Variants in GARRE1 observed in about 807,000 individuals in gnomAD.
The protein encoded by GARRE1 is granule associated Rac and RHOG effector 1.
A neutral mutation model predicts 103.2 loss-of-function variants in GARRE1; 49 were observed. That is an observed-to-expected ratio of 0.47 (90% confidence interval 0.38 to 0.60). The LOEUF is 0.60. Among genes scored for constraint, GARRE1 ranks in the 20% least tolerant of loss-of-function variants. GARRE1 has a pLI of 0.00. For missense variants in GARRE1, 1,199 were observed against 1,370.5 expected, an observed-to-expected ratio of 0.87 and a Z score of 1.98; for synonymous variants, 505 against 532.8, an observed-to-expected ratio of 0.95 and a Z score of 0.72.
chr19:34,341,919 A>G lies in GARRE1; in HGVS notation c.1985A>G (p.His662Arg), dbSNP rs778716998. 3.1e-6 allele frequency: 5 copies of G among 1,614,088 alleles called. No individual in the cohort carries two copies. The highest frequency in any genetic ancestry group is 4.2e-6 in the Non-Finnish European group (5 of 1,180,044). The change falls in exon 10 of 14, where the codon CAT (histidine) becomes CGT (arginine). Residue 662 changes from histidine to arginine, a missense_variant. Coordinates refer to ENST00000299505, the MANE Select transcript of GARRE1 (RefSeq NM_014686.5). ...TCGGGCTTTAACATGGGCCAGTCAC[A>G]TCAGGGCTCTCCGTTGGTGACAAGG... ...FLSGFNMGQS[H>R]QGSPLVTRHN...
At chr19:34,277,141 A>G (rs974729466) in intron 1 of GARRE1, among the ~76,000 whole-genome samples, 4 of 152,224 alleles carry the variant, frequency 2.6e-5, no homozygotes, top group Admixed American at 2.6e-4. Context: ...GAAGAACTGG[A>G]AGATAAATGG....
intron 2 of GARRE1, among the ~76,000 whole-genome samples, chr19:34,312,919 C>T (rs1481289704): frequency 3.3e-5 from 5 of 152,064 alleles, no homozygotes; most frequent in African/African-American, 1.2e-4. Flanking sequence ...AAAAGTGAAA[C>T]TCCGTCTCAG....
chr19:34,296,335 C>T, intron 1 of GARRE1: 1 of 964,216 alleles, frequency 1.0e-6, no homozygotes, highest in Non-Finnish European at 1.6e-6. Flanking sequence ...GGAACTGAAG[C>T]TGGAGCTGCA....
At chr19:34,338,373 A>C (rs1176624074) in intron 8 of GARRE1, among the ~76,000 whole-genome samples, 2 of 152,122 alleles carry the variant, frequency 1.3e-5, no homozygotes, top group African/African-American at 4.8e-5. Context: ...CCATCTCTAC[A>C]AAAAAATTAA....
chr19:34,278,173 G>A (rs771658093), intron 1 of GARRE1, among the ~76,000 whole-genome samples: 16 of 151,962 alleles, frequency 1.1e-4, no homozygotes, highest in Non-Finnish European at 2.2e-4. Context: ...GCCAGGCATG[G>A]TGGCTCATGC....
intron 1 of GARRE1, among the ~76,000 whole-genome samples, chr19:34,259,090 C>T (rs2073696512): frequency 6.6e-6 from 1 of 152,058 alleles, no homozygotes; most frequent in African/African-American, 2.4e-5. Context: ...ATTGCTTGAG[C>T]CTAGGAGGTT....
chr19:34,320,886 CTTATTATTA>C, intron 3 of GARRE1, among the ~76,000 whole-genome samples: 2 of 145,074 alleles, frequency 1.4e-5, no homozygotes, highest in South Asian at 4.4e-4. Flanking sequence ...CCATGTCTAG[CTTATTATTA>C]TTATTATTAC....
intron 1 of GARRE1, among the ~76,000 whole-genome samples, chr19:34,257,751 G>A (rs1305394605): frequency 6.6e-6 from 1 of 152,106 alleles, no homozygotes; most frequent in African/African-American, 2.4e-5. Flanking sequence ...CCTCTTGAGG[G>A]TCCCCTAACT....
At chr19:34,319,263 A>G (rs2074074297) in intron 2 of GARRE1, among the ~76,000 whole-genome samples, 1 of 152,222 alleles carries the variant, frequency 6.6e-6, no homozygotes, top group Non-Finnish European at 1.5e-5. Context: ...TTGGACTATT[A>G]GCAACCAATC....
At chr19:34,276,651 T>C (rs771558376) in intron 1 of GARRE1, among the ~76,000 whole-genome samples, 9 of 152,228 alleles carry the variant, frequency 5.9e-5, no homozygotes, top group Non-Finnish European at 1.3e-4. Context: ...GATCTCTGCC[T>C]TCTCCCTCAT....
intron 8 of GARRE1, among the ~76,000 whole-genome samples, chr19:34,335,821 C>T (rs1018769262): frequency 3.3e-5 from 5 of 151,920 alleles, no homozygotes; most frequent in Admixed American, 6.6e-5. Flanking sequence ...TCACCGCGCC[C>T]GGCTCATTTG....
rs1310291482 is a variant in GARRE1, at chr19:34,354,968, C to G, written c.*2013C>G. 1.3e-5 allele frequency: 2 copies of G among 152,622 alleles called. No individual in the cohort carries two copies. The highest frequency in any genetic ancestry group is 2.9e-5 in the Non-Finnish European group (2 of 68,040). The allele number at this position is 152,622 out of a possible 1,614,324, so 9.5% of individuals were successfully genotyped here. Reference sequence around the variant, plus strand: ...TGCTTTGCACCAACCCTGCGTGGCTCTTGTCTGTGTTAGCTGTCACGGTGT... The same window carrying G: ...TGCTTTGCACCAACCCTGCGTGGCTGTTGTCTGTGTTAGCTGTCACGGTGT... On this transcript the variant is annotated 3_prime_UTR_variant, in exon 14 of 14. Coordinates refer to ENST00000299505, the MANE Select transcript of GARRE1 (RefSeq NM_014686.5).
intron 1 of GARRE1, among the ~76,000 whole-genome samples, chr19:34,274,386 C>G (rs537614987): frequency 1.3e-5 from 2 of 151,964 alleles, no homozygotes; most frequent in African/African-American, 4.8e-5. Flanking sequence ...GTCTGGGCAA[C>G]TAGAGCGAAA....
At chr19:34,267,630 G>T (rs2073760447) in intron 1 of GARRE1, among the ~76,000 whole-genome samples, 1 of 151,806 alleles carries the variant, frequency 6.6e-6, no homozygotes, top group African/African-American at 2.4e-5. Flanking sequence ...TAGAAGTTTT[G>T]AAAACTTTTT....
At chr19:34,282,602 T>G (rs1038126128) in intron 1 of GARRE1, among the ~76,000 whole-genome samples, 2 of 152,244 alleles carry the variant, frequency 1.3e-5, no homozygotes, top group East Asian at 3.8e-4. Context: ...CCTTTTGGTT[T>G]TCCTTCACTG....
chr19:34,283,316 G>A (rs555085069), intron 1 of GARRE1, among the ~76,000 whole-genome samples: 1 of 152,312 alleles, frequency 6.6e-6, no homozygotes, highest in African/African-American at 2.4e-5. Flanking sequence ...AATGAAGTGT[G>A]TGATGCTTCC....
chr19:34,281,226 TC>T (rs2073851140), intron 1 of GARRE1, among the ~76,000 whole-genome samples: 1 of 152,154 alleles, frequency 6.6e-6, no homozygotes, highest in African/African-American at 2.4e-5. Flanking sequence ...GCTCAAGTGA[TC>T]CTTCCACCTC....
chr19:34,263,738 C>T (rs915592273), intron 1 of GARRE1, among the ~76,000 whole-genome samples: 5 of 152,156 alleles, frequency 3.3e-5, no homozygotes, highest in African/African-American at 4.8e-5. Flanking sequence ...CCATCCACCT[C>T]GGCCTCCCAA....
In GARRE1 at chr19:34,327,154, C is replaced by CAAAATAAAATAAAAT. The variant is rs60648933; in HGVS notation, c.706-249_706-235dup. Among the ~76,000 whole-genome samples the CAAAATAAAATAAAAT allele has an allele frequency of 9.4e-4, 140 of 148,722 alleles. 2 individuals carry two copies. The highest frequency in any genetic ancestry group is 5.4e-3 in the Admixed American group (80 of 14,788). ...AGGGTGACAGAGTAAGACCTTGTCT[C>CAAAATAAAATAAAAT]AAAATAAAATAAAATAAAATAAAAT... On this transcript the variant is annotated intron_variant, in intron 3 of 13. Coordinates refer to ENST00000299505, the MANE Select transcript of GARRE1 (RefSeq NM_014686.5).
Sources: gnomAD v4.1 joint callset for allele counts (sites outside exome capture counted in the v4.1 genomes callset) on GRCh38, gnomAD v4.1.1 for gene constraint, MANE v1.5 for transcripts, NCBI Gene and HGNC (gene_info 2026-07-23, HGNC 2026-07-21) for gene names.